The following BCL2L1 variants were observed in gnomAD, a reference collection of about 807,000 sequenced individuals.
The protein encoded by BCL2L1 is bcl-2-like protein 1.
BCL2L1 carries 1 observed loss-of-function variant against 18.7 expected under a neutral mutation model. The ratio of observed to expected loss-of-function variants is 0.05; its 90% CI spans 0.02 to 0.25. BCL2L1 has a LOEUF of 0.25. BCL2L1 is among the 10% of genes least tolerant of loss of function. The pLI, the probability that BCL2L1 is intolerant of heterozygous loss-of-function variation, is 1.00. For synonymous variants in BCL2L1, 103 were observed against 122.7 expected (o/e 0.84, Z 1.06); for missense variants, 207 against 304.9 (o/e 0.68, Z 2.39).
Position 31,681,565 on chromosome 20 carries a change from C to T in BCL2L1, c.565-15479G>A, listed in dbSNP as rs1295788226. On this transcript the variant is annotated intron_variant, in intron 2 of 2. Transcript: ENST00000307677. Reference sequence around the variant, plus strand: ...CTGAGGTGGGAGGACTGCTGGAGCCCAGGAGGCTGAGGCTGCAGTGAGCCA... The same window carrying T: ...CTGAGGTGGGAGGACTGCTGGAGCCTAGGAGGCTGAGGCTGCAGTGAGCCA... Among the ~76,000 whole-genome samples, 3 of 152,128 alleles carry T rather than the reference C, an allele frequency of 2.0e-5. No individual in the cohort carries two copies. The East Asian group carries it at 5.8e-4, about 29-fold the overall frequency.
intron 2 of BCL2L1, among the ~76,000 whole-genome samples, chr20:31,669,296 G>C (rs2060631333): frequency 6.6e-6 from 1 of 151,514 alleles, no homozygotes; most frequent in African/African-American, 2.4e-5. Context: ...CTGGGCTCAA[G>C]GGATCCTTCT....
At position 31,722,250 on chromosome 20, in the gene BCL2L1, T is replaced by C. The variant is rs769194081; in HGVS notation, c.-32A>G. ...AATAGGGATGGGCTCAACCAGTCCA[T>C]TGTCCAAAACACCTGCTCACTCACT... On this transcript the variant is annotated 5_prime_UTR_variant, in exon 2 of 3. The change abolishes an upstream ATG in the 5' untranslated region. Coordinates refer to ENST00000307677, the MANE Select transcript of BCL2L1 (RefSeq NM_138578.3). 6.9e-7 allele frequency: 1 copy of C among 1,446,472 alleles called. No homozygotes were observed. Among genetic ancestry groups the C allele is most frequent in the Non-Finnish European group, 9.1e-7 (1 of 1,093,150 alleles). 89.6% of individuals were successfully genotyped at this position (1,446,472 alleles called of 1,614,324 possible).
chr20:31,713,440 C>G (rs1343896342), intron 2 of BCL2L1: 50 of 985,240 alleles, frequency 5.1e-5, no homozygotes, highest in Non-Finnish European at 6.0e-5. Context: ...TTTCCACACT[C>G]TTGCCGGCAG....
intron 2 of BCL2L1, among the ~76,000 whole-genome samples, chr20:31,717,275 A>G (rs1374011878): frequency 6.6e-6 from 1 of 152,210 alleles, no homozygotes; most frequent in African/African-American, 2.4e-5. Flanking sequence ...TGGCCTCAGG[A>G]CAGATATCTG....
intron 2 of BCL2L1, among the ~76,000 whole-genome samples, chr20:31,679,046 T>C (rs1251236636): frequency 6.6e-6 from 1 of 152,226 alleles, no homozygotes; most frequent in Non-Finnish European, 1.5e-5. Flanking sequence ...AGCCTCATAC[T>C]CTTCTCTGCA....
Position 31,722,191 on chromosome 20 carries a change from C to T in BCL2L1, c.28G>A (p.Val10Ile), listed in dbSNP as rs752292810. 4 of 1,497,930 alleles carry T rather than the reference C, an allele frequency of 2.7e-6. No homozygotes were observed. Among genetic ancestry groups the T allele is most frequent in the Non-Finnish European group, 3.5e-6 (4 of 1,130,670 alleles). The allele number at this position is 1,497,930 out of a possible 1,614,324, so 92.8% of individuals were successfully genotyped here. A position where few individuals can be genotyped will look rare whatever the true frequency, so the allele number is the denominator to read the frequency against. ...GAAAGCTTGTAGGAGAGAAAGTCAA[C>T]CACCAGCTCCCGGTTGCTCTGAGAC... is the stretch of plus-strand genomic sequence containing the variant. The part of the protein sequence containing the change: MSQSNRELV[V>I]DFLSYKLSQK... Residue 10 changes from valine to isoleucine, a missense_variant, in exon 2 of 3, where the codon GTT (valine) becomes ATT (isoleucine). By Grantham distance (29) the Val-to-Ile change is conservative. Transcript: ENST00000307677.
intron 2 of BCL2L1, among the ~76,000 whole-genome samples, chr20:31,708,274 G>A (rs548104381): frequency 1.4e-4 from 22 of 152,294 alleles, no homozygotes; most frequent in African/African-American, 5.3e-4. Flanking sequence ...TGGGGTTGGG[G>A]GGCACACACA....
chr20:31,697,083 A>G (rs2061184205), intron 2 of BCL2L1, among the ~76,000 whole-genome samples: 1 of 151,786 alleles, frequency 6.6e-6, no homozygotes, highest in South Asian at 2.1e-4. Flanking sequence ...TTAGCTAGGC[A>G]TGATGGCATG....
chr20:31,708,619 C>T (rs73117925), intron 2 of BCL2L1, among the ~76,000 whole-genome samples: 6,581 of 152,254 alleles, frequency 0.043, 197 homozygotes, highest in Middle Eastern at 0.078. Context: ...GACCCCTCCC[C>T]CCAGCTGAGC....
intron 2 of BCL2L1, among the ~76,000 whole-genome samples, chr20:31,672,534 G>C (rs1481572653): frequency 6.6e-6 from 1 of 152,112 alleles, no homozygotes; most frequent in Non-Finnish European, 1.5e-5. Context: ...GGGAGAGGAG[G>C]GGTGTTCCTG....
intron 2 of BCL2L1, among the ~76,000 whole-genome samples, chr20:31,671,975 T>G (rs1416149719): frequency 6.8e-6 from 1 of 146,934 alleles, no homozygotes; most frequent in South Asian, 2.1e-4. Context: ...ATATATAGTA[T>G]AGTATAGCTG....
chr20:31,720,513 T>C, intron 2 of BCL2L1: 3 of 985,054 alleles, frequency 3.0e-6, no homozygotes, highest in Non-Finnish European at 3.6e-6. Context: ...GAGCAAAACT[T>C]GCCTACAGTG....
At chr20:31,682,889 C>CA (rs2122549533) in intron 2 of BCL2L1, among the ~76,000 whole-genome samples, 1 of 152,316 alleles carries the variant, frequency 6.6e-6, no homozygotes, top group South Asian at 2.1e-4. Context: ...ACTCATCTGT[C>CA]AATATATCCT....
intron 2 of BCL2L1, among the ~76,000 whole-genome samples, chr20:31,674,156 T>C (rs2060718937): frequency 6.6e-6 from 1 of 152,214 alleles, no homozygotes; most frequent in South Asian, 2.1e-4. Context: ...AATCTTGCCA[T>C]CTTAGACCCT....
chr20:31,700,096 G>A (rs1027273956), intron 2 of BCL2L1, among the ~76,000 whole-genome samples: 5 of 152,024 alleles, frequency 3.3e-5, no homozygotes, highest in African/African-American at 1.2e-4. Context: ...TTTGTTTCTC[G>A]GGCTAGCTGT....
intron 2 of BCL2L1, chr20:31,720,826 G>C (rs1275880456): frequency 1.0e-6 from 1 of 985,330 alleles, no homozygotes; most frequent in African/African-American, 1.7e-5. Context: ...CCAAAGACTA[G>C]GTTCTTGCTT....
intron 2 of BCL2L1, among the ~76,000 whole-genome samples, chr20:31,697,892 G>GTTTTTTTTTTTTTTTTTGTTTTTTTT (rs199575410): frequency 1.5e-5 from 2 of 129,652 alleles, no homozygotes; most frequent in South Asian, 2.3e-4. Flanking sequence ...TGCTGTTGCT[G>GTTTTTTTTTTTTTTTTTGTTTTTTTT]TTTTTTTTTT....
chr20:31,674,634 T>G (rs2060727014), intron 2 of BCL2L1, among the ~76,000 whole-genome samples: 1 of 151,928 alleles, frequency 6.6e-6, no homozygotes, highest in African/African-American at 2.4e-5. Context: ...CTTTGAGAGT[T>G]CAAGGTGGGC....
intron 2 of BCL2L1, among the ~76,000 whole-genome samples, chr20:31,677,750 G>T (rs2060787088): frequency 6.6e-6 from 1 of 152,150 alleles, no homozygotes. Flanking sequence ...CCACACTGGT[G>T]CTTCTACCAA....
Sources: allele counts gnomAD v4.1 joint callset (sites outside exome capture counted in the v4.1 genomes callset), GRCh38; gene constraint gnomAD v4.1.1; transcripts MANE v1.5; gene names NCBI Gene and HGNC (gene_info 2026-07-23, HGNC 2026-07-21).